Variants in RPSA2 observed in about 807,000 individuals in gnomAD.
RPSA2 encodes the protein ribosomal protein SA 2, also known as small ribosomal subunit protein uS2B.
At chr19:23,804,660 G>A in the RPSA2 span, among the ~76,000 whole-genome samples, 1 of 152,170 alleles carries the variant, frequency 6.6e-6, no homozygotes, top group African/African-American at 2.4e-5. Context: ...CACTGACAGG[G>A]GACTTCTTTA....
the RPSA2 span, among the ~76,000 whole-genome samples, chr19:23,805,763 TCTTTA>T: frequency 2.0e-5 from 3 of 152,168 alleles, no homozygotes; most frequent in African/African-American, 7.2e-5. Context: ...TATGTGCAAA[TCTTTA>T]CTTCTAAACT....
the RPSA2 span, among the ~76,000 whole-genome samples, chr19:23,816,611 AATT>A: frequency 6.6e-6 from 1 of 152,016 alleles, no homozygotes; most frequent in African/African-American, 2.4e-5. Flanking sequence ...CAGTTTCTTT[AATT>A]ATTATCTTTA....
chr19:23,826,968 G>C, the RPSA2 span: 35 of 589,772 alleles, frequency 5.9e-5, no homozygotes, highest in Admixed American at 9.2e-4. Flanking sequence ...GGGATTACAG[G>C]TGTGAACCAC....
the RPSA2 span, among the ~76,000 whole-genome samples, chr19:23,775,722 A>T: frequency 6.6e-6 from 1 of 152,230 alleles, no homozygotes; most frequent in Admixed American, 6.5e-5. Context: ...TCAGACCAAG[A>T]TTGAACACAC....
chr19:23,792,258 G>C, the RPSA2 span, among the ~76,000 whole-genome samples: 1 of 152,108 alleles, frequency 6.6e-6, no homozygotes, highest in Non-Finnish European at 1.5e-5. Flanking sequence ...TCCAAGCTGA[G>C]GCTAATATTG....
the RPSA2 span, among the ~76,000 whole-genome samples, chr19:23,840,064 A>C: frequency 3.3e-5 from 5 of 152,130 alleles, no homozygotes; most frequent in African/African-American, 1.2e-4. Context: ...ATTTTTTCAG[A>C]TACTCTCTCC....
At chr19:23,863,864 A>G in the RPSA2 span, among the ~76,000 whole-genome samples, 1 of 152,220 alleles carries the variant, frequency 6.6e-6, no homozygotes, top group Admixed American at 6.5e-5. Flanking sequence ...ATAATACAAA[A>G]CAAACACATG....
chr19:23,788,861 C>A, the RPSA2 span, among the ~76,000 whole-genome samples: 1 of 152,082 alleles, frequency 6.6e-6, no homozygotes, highest in Non-Finnish European at 1.5e-5. Context: ...ATGCTTCATG[C>A]ACAAAGAAAA....
the RPSA2 span, among the ~76,000 whole-genome samples, chr19:23,765,891 A>C: frequency 6.6e-6 from 1 of 152,358 alleles, no homozygotes; most frequent in African/African-American, 2.4e-5. Context: ...AGGGTTCAAC[A>C]TACCTGCCGT....
chr19:23,847,376 G>A, the RPSA2 span, among the ~76,000 whole-genome samples: 1 of 151,984 alleles, frequency 6.6e-6, no homozygotes, highest in Non-Finnish European at 1.5e-5. Flanking sequence ...TTCCATAAAT[G>A]TCAGCCAGTC....
the RPSA2 span, among the ~76,000 whole-genome samples, chr19:23,793,434 A>T: frequency 2.9e-5 from 4 of 139,904 alleles, no homozygotes; most frequent in South Asian, 2.3e-4. Flanking sequence ...TTTGTATTTT[A>T]TTTTCTTTGT....
chr19:23,790,107 C>A, the RPSA2 span, among the ~76,000 whole-genome samples: 1 of 151,764 alleles, frequency 6.6e-6, no homozygotes, highest in Non-Finnish European at 1.5e-5. Context: ...TGAAGCAATT[C>A]TCTGTCTCAG....
the RPSA2 span, among the ~76,000 whole-genome samples, chr19:23,862,749 A>G: frequency 8.9e-5 from 11 of 123,344 alleles, no homozygotes; most frequent in Non-Finnish European, 1.7e-5. Flanking sequence ...CCTAAAACTT[A>G]AAGTATAAGA....
At chr19:23,830,482 C>T in the RPSA2 span, among the ~76,000 whole-genome samples, 2 of 152,144 alleles carry the variant, frequency 1.3e-5, no homozygotes, top group Non-Finnish European at 2.9e-5. Context: ...CAAAGATAAT[C>T]TTTTTGTCTT....
chr19:23,816,226 C>A, the RPSA2 span, among the ~76,000 whole-genome samples: 1 of 152,082 alleles, frequency 6.6e-6, no homozygotes, highest in Non-Finnish European at 1.5e-5. Context: ...CCTCAACTTA[C>A]AAACTCAGAA....
chr19:23,839,094 G>T, the RPSA2 span, among the ~76,000 whole-genome samples: 1 of 151,950 alleles, frequency 6.6e-6, no homozygotes. Context: ...TTTCCTGTTA[G>T]TACCACCTTA....
chr19:23,796,292 C>G, the RPSA2 span, among the ~76,000 whole-genome samples: 2 of 152,086 alleles, frequency 1.3e-5, no homozygotes, highest in South Asian at 4.1e-4. Context: ...GTATGTTGAA[C>G]CAACCTTGCA....
chr19:23,819,299 G>C, the RPSA2 span: 1 of 152,218 alleles, frequency 6.6e-6, no homozygotes, highest in Non-Finnish European at 1.5e-5. Context: ...GAAGTGACCA[G>C]AGCAGGGCTG....
the RPSA2 span, among the ~76,000 whole-genome samples, chr19:23,791,552 GT>G: frequency 1.1e-4 from 17 of 151,998 alleles, no homozygotes; most frequent in Non-Finnish European, 2.1e-4. Context: ...TTTTTCACAT[GT>G]GTGCCAAGCA....
Sources: allele counts gnomAD v4.1 joint callset (sites outside exome capture counted in the v4.1 genomes callset), GRCh38; gene constraint gnomAD v4.1.1; transcripts MANE v1.5; gene names NCBI Gene and HGNC (gene_info 2026-07-23, HGNC 2026-07-21).